Variants in STAT3 observed in about 807,000 individuals in gnomAD.
STAT3 encodes DNA-binding protein APRF.
In STAT3, 7 loss-of-function variants were observed where a neutral mutation model predicts 114.3. The observed-to-expected ratio is 0.06, with a 90% CI of 0.03 to 0.11. STAT3 has a LOEUF of 0.11. Among genes scored for constraint, STAT3 ranks in the 10% least tolerant of loss-of-function variants. STAT3 has a pLI of 1.00. For synonymous variants in STAT3, 331 were observed against 354.5 expected, an observed-to-expected ratio of 0.93 and a Z score of 0.74; for missense variants, 364 against 960.9, an observed-to-expected ratio of 0.38 and a Z score of 8.21.
chr17:42,373,381 G>A (rs949423739), intron 1 of STAT3, among the ~76,000 whole-genome samples: 16 of 150,946 alleles, frequency 1.1e-4, no homozygotes, highest in South Asian at 2.1e-4. Flanking sequence ...AAGAAAACAC[G>A]TATCTACTAA....
At chr17:42,346,897 A>G (rs531733013) in intron 2 of STAT3, among the ~76,000 whole-genome samples, 184 bp from the exon 3 acceptor site, 4 of 152,168 alleles carry the variant, frequency 2.6e-5, no homozygotes, top group Non-Finnish European at 5.9e-5. Context: ...AATTATTAAC[A>G]ATTATTCCAG....
At chr17:42,323,443 G>T in intron 18 of STAT3, 89 bp from the exon 19 acceptor site, 1 of 1,562,968 alleles carries the variant, frequency 6.4e-7, no homozygotes. Context: ...AAATCCTCAG[G>T]CCCGTCTACC....
At chr17:42,357,182 A>T (rs1380872968) in intron 1 of STAT3, among the ~76,000 whole-genome samples, 1 of 152,194 alleles carries the variant, frequency 6.6e-6, no homozygotes, top group Non-Finnish European at 1.5e-5. Context: ...AGGGCCACAT[A>T]ATTTATTAAG....
Position 42,337,428 on chromosome 17 carries a change from C to T in STAT3, c.797+7G>A. 6.2e-7 allele frequency: 1 copy of T among 1,613,752 alleles called. No homozygotes were observed. The highest frequency in any genetic ancestry group is 8.5e-7 in the Non-Finnish European group (1 of 1,179,684). On this transcript the variant is annotated splice_region_variant and intron_variant, in intron 8 of 23. Transcript: ENST00000264657. This position sits in a 1 kb window ranked among gnomAD's most constrained non-coding sequence, Gnocchi z 4.0. ...GAAAGAAAGGAAAAGCTTCTTTCAT[C>T]CTTTACCAGTTTTCTAGCCGATCTA... is the stretch of plus-strand genomic sequence containing the variant.
intron 1 of STAT3, among the ~76,000 whole-genome samples, chr17:42,358,624 C>A (rs1388924655): frequency 6.6e-6 from 1 of 152,164 alleles, no homozygotes; most frequent in African/African-American, 2.4e-5. Flanking sequence ...ACTTCCCCAA[C>A]CAGACACATT....
At chr17:42,345,110 A>G (rs1291798843) in intron 4 of STAT3, among the ~76,000 whole-genome samples, 1 of 151,870 alleles carries the variant, frequency 6.6e-6, no homozygotes, top group Admixed American at 6.6e-5. Context: ...TACTAAAAAT[A>G]CAAAATTAGC....
At chr17:42,351,921 G>A (rs1225878767) in intron 1 of STAT3, among the ~76,000 whole-genome samples, 3 of 151,708 alleles carry the variant, frequency 2.0e-5, no homozygotes, top group African/African-American at 4.8e-5. Flanking sequence ...ACCATGCCCA[G>A]CTAATTTTTT....
intron 1 of STAT3, among the ~76,000 whole-genome samples, chr17:42,365,374 C>T (rs114521439): frequency 1.4e-3 from 212 of 152,310 alleles, no homozygotes; most frequent in African/African-American, 4.8e-3. Flanking sequence ...CCCCCAGCCG[C>T]TTGAGTTTTC....
chr17:42,372,760 T>C (rs1384022612), intron 1 of STAT3, among the ~76,000 whole-genome samples: 1 of 152,006 alleles, frequency 6.6e-6, no homozygotes, highest in Non-Finnish European at 1.5e-5. Context: ...GGCAGGAGGA[T>C]TGCTTGAGCC....
intron 12 of STAT3, 27 bp from the exon 13 acceptor site, chr17:42,329,674 T>A (rs747062308): frequency 1.9e-6 from 3 of 1,613,954 alleles, no homozygotes; most frequent in Admixed American, 3.3e-5. Flanking sequence ...CAATCAACTA[T>A]GTAGGTGACC....
intron 3 of STAT3, 100 bp downstream of exon 3, chr17:42,346,469 C>T (rs771726220): frequency 1.4e-5 from 21 of 1,545,390 alleles, no homozygotes; most frequent in Admixed American, 1.0e-4. Flanking sequence ...GATAGATTCT[C>T]GTTACTTAGC....
intron 1 of STAT3, among the ~76,000 whole-genome samples, chr17:42,358,280 CATGGTGGCCCATGCTTGT>C (rs1178425630): frequency 2.1e-4 from 32 of 152,012 alleles, no homozygotes; most frequent in Admixed American, 1.5e-3. Context: ...ATTAGCCTAG[CATGGTGGCCCATGCTTGT>C]AGTCCCATGG....
intron 1 of STAT3, among the ~76,000 whole-genome samples, chr17:42,376,545 CA>C (rs766215172): frequency 1.9e-3 from 129 of 69,122 alleles, no homozygotes; most frequent in East Asian, 3.0e-3. Context: ...GACTCCATCT[CA>C]AAAAAAAAAA....
chr17:42,319,997 AG>A (rs1368370080), intron 21 of STAT3, among the ~76,000 whole-genome samples: 2 of 152,206 alleles, frequency 1.3e-5, no homozygotes, highest in African/African-American at 4.8e-5. Context: ...CCCAGCCCAC[AG>A]GAAGGGCGAT....
At chr17:42,360,286 G>A (rs188982579) in intron 1 of STAT3, among the ~76,000 whole-genome samples, 2 of 151,056 alleles carry the variant, frequency 1.3e-5, no homozygotes, top group Non-Finnish European at 3.0e-5. Context: ...TCCAGCCTCA[G>A]CCTCCAAAAG....
chr17:42,313,484 T>A lies in STAT3; in HGVS notation c.*2261A>T, dbSNP rs967025387. 2 of 227,394 alleles carry A rather than the reference T, an allele frequency of 8.8e-6. No individual in the cohort carries two copies. Among genetic ancestry groups the A allele is most frequent in the African/African-American group, 4.5e-5 (2 of 44,784 alleles). 14.1% of individuals were successfully genotyped at this position (227,394 alleles called of 1,614,324 possible). On this transcript the variant is annotated 3_prime_UTR_variant, in exon 24 of 24. Coordinates refer to ENST00000264657, the MANE Select transcript of STAT3 (RefSeq NM_139276.3). ...GAATGCAGTGGCCAGGACAGCAGCT[T>A]ATAAACCACCTTATAGGTAGGTAAG...
chr17:42,317,156 C>CA, intron 22 of STAT3, 26 bp downstream of exon 22: 1 of 1,613,940 alleles, frequency 6.2e-7, no homozygotes. Flanking sequence ...GAAATGAAGG[C>CA]AAAACGGGGA....
At position 42,317,214 on chromosome 17, in the gene STAT3, T is replaced by G; in HGVS notation, c.2112A>C (p.Pro704=). Reference sequence around the variant, plus strand: ...CACAGATAAACTTGGTCTTCAGGTATGGGGCAGCGCCTGGGAAGAAGAAAA... The same window carrying G: ...CACAGATAAACTTGGTCTTCAGGTAGGGGGCAGCGCCTGGGAAGAAGAAAA... ...HPEADPGSAA[P]YLKTKFICVT... is the part of the protein sequence containing the mutation. Residue 704 remains proline, a synonymous_variant, in exon 22 of 24, where the codon CCA becomes CCC. Coordinates refer to ENST00000264657, the MANE Select transcript of STAT3 (RefSeq NM_139276.3). The G allele has an allele frequency of 6.2e-7, 1 of 1,613,902 alleles. No homozygotes were observed. Among genetic ancestry groups the G allele is most frequent in the Non-Finnish European group, 8.5e-7 (1 of 1,179,900 alleles).
intron 2 of STAT3, among the ~76,000 whole-genome samples, chr17:42,347,682 A>C (rs755112366): frequency 7.2e-5 from 11 of 152,180 alleles, no homozygotes; most frequent in Non-Finnish European, 1.3e-4. Flanking sequence ...TGGGTTTCTC[A>C]TGAATGGTTT....
Sources: allele counts gnomAD v4.1 joint callset (sites outside exome capture counted in the v4.1 genomes callset), GRCh38; gene constraint gnomAD v4.1.1; non-coding constraint Gnocchi (gnomAD v3.1); transcripts MANE v1.5; gene names NCBI Gene and HGNC (gene_info 2026-07-23, HGNC 2026-07-21).